GNAQ: variants seen among roughly 807,000 people sequenced by gnomAD.
GNAQ encodes the protein guanine nucleotide-binding protein G(q) subunit alpha.
A neutral mutation model predicts 43.9 loss-of-function variants in GNAQ; 8 were observed. The ratio of observed to expected loss-of-function variants is 0.18; its 90% CI spans 0.11 to 0.33. GNAQ has a LOEUF of 0.33. GNAQ is among the 10% of genes least tolerant of loss of function. The probability of loss-of-function intolerance (pLI) is 1.00; values close to 1 mark genes in which losing one functional copy is unlikely to be tolerated. For missense variants in GNAQ, 158 were observed against 450.8 expected (o/e 0.35, Z 5.88); for synonymous variants, 155 against 170.7 (o/e 0.91, Z 0.71).
intron 2 of GNAQ, among the ~76,000 whole-genome samples, chr9:77,886,149 T>C (rs574765336): frequency 6.6e-6 from 1 of 152,214 alleles, no homozygotes; most frequent in South Asian, 2.1e-4. Context: ...GTATTTTTAG[T>C]AGAGATGGGG....
intron 5 of GNAQ, among the ~76,000 whole-genome samples, chr9:77,760,247 C>T (rs1301781434): frequency 6.7e-6 from 1 of 150,056 alleles, no homozygotes; most frequent in African/African-American, 2.4e-5. Context: ...CGGTCTCCCT[C>T]TGATGCCGAG....
intron 1 of GNAQ, among the ~76,000 whole-genome samples, chr9:77,994,949 G>T (rs1823550591): frequency 6.6e-6 from 1 of 152,118 alleles, no homozygotes. Flanking sequence ...CACTTGGGTT[G>T]GTAAGCACCT....
At chr9:77,968,198 TTA>T (rs1007890019) in intron 1 of GNAQ, among the ~76,000 whole-genome samples, 1 of 152,104 alleles carries the variant, frequency 6.6e-6, no homozygotes, top group African/African-American at 2.4e-5. Flanking sequence ...ATTATGTAAA[TTA>T]TATGTCAAAT....
chr9:77,913,323 G>A (rs1828840252), intron 2 of GNAQ, among the ~76,000 whole-genome samples: 1 of 150,176 alleles, frequency 6.7e-6, no homozygotes, highest in African/African-American at 2.4e-5. Context: ...ACAAATTATA[G>A]CATATTTATA....
At chr9:77,967,844 T>G (rs977868200) in intron 1 of GNAQ, among the ~76,000 whole-genome samples, 1 of 152,128 alleles carries the variant, frequency 6.6e-6, no homozygotes, top group Non-Finnish European at 1.5e-5. Flanking sequence ...CCGGGCATGG[T>G]GGCACATGCC....
At chr9:77,864,878 G>T (rs1343269490) in intron 2 of GNAQ, among the ~76,000 whole-genome samples, 4 of 152,090 alleles carry the variant, frequency 2.6e-5, no homozygotes, top group African/African-American at 9.7e-5. Context: ...AAATCTCCTT[G>T]GTGGTTTCCA....
chr9:77,910,913 C>T (rs759256516), intron 2 of GNAQ, among the ~76,000 whole-genome samples: 1 of 152,182 alleles, frequency 6.6e-6, no homozygotes, highest in Non-Finnish European at 1.5e-5. Context: ...TTGTGTATGA[C>T]TCCAGTAGTT....
chr9:78,011,184 T>C (rs753848781), intron 1 of GNAQ, among the ~76,000 whole-genome samples: 19 of 152,160 alleles, frequency 1.2e-4, no homozygotes, highest in Non-Finnish European at 2.4e-4. Flanking sequence ...GCAAAGTTCA[T>C]AGTAGCCACT....
intron 2 of GNAQ, among the ~76,000 whole-genome samples, chr9:77,920,203 T>A (rs140489917): frequency 1.3e-5 from 2 of 152,128 alleles, no homozygotes; most frequent in African/African-American, 2.4e-5. Context: ...ATGTGTTACA[T>A]GAATAAGGCA....
intron 2 of GNAQ, among the ~76,000 whole-genome samples, chr9:77,869,495 G>A (rs898016704): frequency 6.6e-6 from 1 of 152,120 alleles, no homozygotes; most frequent in Non-Finnish European, 1.5e-5. Flanking sequence ...TCCTTCTTGG[G>A]ATAATTTAGT....
chr9:77,754,787 T>C (rs962079091), intron 5 of GNAQ, among the ~76,000 whole-genome samples: 7 of 152,084 alleles, frequency 4.6e-5, no homozygotes, highest in South Asian at 2.1e-4. Context: ...GAATGTAAAT[T>C]AGCACAGCCA....
chr9:77,927,616 G>A (rs916510340), intron 1 of GNAQ, among the ~76,000 whole-genome samples: 44 of 151,968 alleles, frequency 2.9e-4, no homozygotes, highest in African/African-American at 9.7e-4. Context: ...CACCTTACCA[G>A]GGCCTCTCAC....
At chr9:77,924,628 A>G (rs1284183302) in intron 1 of GNAQ, among the ~76,000 whole-genome samples, 1 of 152,192 alleles carries the variant, frequency 6.6e-6, no homozygotes, top group Non-Finnish European at 1.5e-5. Flanking sequence ...CACGTTGGGC[A>G]AGAGCAGTCA....
At chr9:77,880,971 A>G (rs544153023) in intron 2 of GNAQ, among the ~76,000 whole-genome samples, 72 of 152,204 alleles carry the variant, frequency 4.7e-4, no homozygotes, top group Admixed American at 1.1e-3. Context: ...TAGCTTGAAG[A>G]CCTTGAAGTT....
chr9:77,809,075 AACATGGC>A (rs1587926174), intron 3 of GNAQ, among the ~76,000 whole-genome samples: 2 of 152,178 alleles, frequency 1.3e-5, no homozygotes, highest in Non-Finnish European at 2.9e-5. Flanking sequence ...TGTTAAATTC[AACATGGC>A]ACATAATATA....
At chr9:78,028,232 C>A (rs1409278257) in intron 1 of GNAQ, among the ~76,000 whole-genome samples, 1 of 151,972 alleles carries the variant, frequency 6.6e-6, no homozygotes, top group Non-Finnish European at 1.5e-5. Flanking sequence ...AGTTAAAAGA[C>A]AACAAGAAAA....
intron 3 of GNAQ, among the ~76,000 whole-genome samples, chr9:77,801,712 AAAACC>A (rs981635757): frequency 6.6e-6 from 1 of 152,196 alleles, no homozygotes; most frequent in African/African-American, 2.4e-5. Flanking sequence ...TCTAGAACCA[AAAACC>A]AAACCAAACA....
chr9:77,860,472 G>A (rs1014491494), intron 2 of GNAQ, among the ~76,000 whole-genome samples: 2 of 152,164 alleles, frequency 1.3e-5, no homozygotes, highest in East Asian at 1.9e-4. Context: ...TAGGTGAGGC[G>A]GCGGGGGGAT....
chr9:77,865,419 T>C (rs993791719), intron 2 of GNAQ, among the ~76,000 whole-genome samples: 7 of 152,248 alleles, frequency 4.6e-5, no homozygotes, highest in African/African-American at 9.6e-5. Flanking sequence ...CCTGAAACTT[T>C]AGGAAATTTC....
Sources: allele counts gnomAD v4.1 joint callset (sites outside exome capture counted in the v4.1 genomes callset), GRCh38; gene constraint gnomAD v4.1.1; transcripts MANE v1.5; gene names NCBI Gene and HGNC (gene_info 2026-07-23, HGNC 2026-07-21).